CD46: variants seen among roughly 807,000 people sequenced by gnomAD.
CD46 encodes CD46 molecule, also known as membrane cofactor protein.
Under a neutral mutation model 53.3 loss-of-function variants are expected in CD46, and 30 were observed. The observed-to-expected ratio is 0.56, with a 90% CI of 0.42 to 0.76. The LOEUF is 0.76. Ranked by LOEUF, CD46 falls within the 30% of genes least tolerant of loss-of-function variation. The probability of loss-of-function intolerance (pLI) is 0.00; values close to 1 mark genes in which losing one functional copy is unlikely to be tolerated. For missense variants in CD46, 409 were observed against 463.0 expected, an observed-to-expected ratio of 0.88 and a Z score of 1.07; for synonymous variants, 142 against 152.0, an observed-to-expected ratio of 0.93 and a Z score of 0.48.
At chr1:207,757,765 A>G in intron 3 of CD46, 123 bp downstream of exon 3, 1 of 704,898 alleles carries the variant, frequency 1.4e-6, no homozygotes, top group Non-Finnish European at 2.5e-6. Context: ...ACTTCTAGCC[A>G]AACAACTCTT....
intron 1 of CD46, among the ~76,000 whole-genome samples, chr1:207,754,836 A>G (rs1483850054): frequency 6.9e-6 from 1 of 144,084 alleles, no homozygotes; most frequent in African/African-American, 2.6e-5. Flanking sequence ...AGTAGTGGTG[A>G]TAAGAAGAAA....
chr1:207,756,377 G>A (rs1655542031), intron 1 of CD46, among the ~76,000 whole-genome samples: 1 of 152,162 alleles, frequency 6.6e-6, no homozygotes, highest in Admixed American at 6.6e-5. Context: ...TCCTTTTAGG[G>A]CAACTTGAGC....
chr1:207,792,713 A>G (rs1172887895), intron 12 of CD46, among the ~76,000 whole-genome samples: 1 of 152,208 alleles, frequency 6.6e-6, no homozygotes, highest in Non-Finnish European at 1.5e-5. Context: ...TCAATTTACT[A>G]AGGCAGGGAG....
At chr1:207,760,468 T>C (rs1656054080) in intron 4 of CD46, 1 of 152,238 alleles carries the variant, frequency 6.6e-6, no homozygotes, top group Non-Finnish European at 1.5e-5. Context: ...AAAATGGATA[T>C]ATTTATAAAT....
chr1:207,783,912 T>C (rs1373977602), intron 9 of CD46, among the ~76,000 whole-genome samples: 1 of 152,166 alleles, frequency 6.6e-6, no homozygotes, highest in South Asian at 2.1e-4. Flanking sequence ...AAGAGCAGAG[T>C]TGAACATAGC....
chr1:207,756,363 C>T (rs111926454), intron 1 of CD46, among the ~76,000 whole-genome samples: 14 of 152,190 alleles, frequency 9.2e-5, no homozygotes, highest in Admixed American at 3.3e-4. Context: ...CACGTTATTA[C>T]CTGTCCTTTT....
intron 8 of CD46, among the ~76,000 whole-genome samples, chr1:207,781,840 T>C (rs1473264097): frequency 6.6e-6 from 1 of 152,212 alleles, no homozygotes; most frequent in African/African-American, 2.4e-5. Flanking sequence ...AATCAGAAAG[T>C]GTGAGCCTTC....
At chr1:207,768,148 C>T (rs979407777) in intron 7 of CD46, 5 of 287,190 alleles carry the variant, frequency 1.7e-5, no homozygotes, top group Non-Finnish European at 2.7e-5. Flanking sequence ...ATTTAAAGCA[C>T]TTAGCACAGT....
intron 7 of CD46, 54 bp from the exon 8 acceptor site, chr1:207,770,267 A>C (rs1657344895): frequency 1.1e-5 from 14 of 1,271,614 alleles, no homozygotes; most frequent in Non-Finnish European, 1.6e-5. Context: ...TAAAGTCATA[A>C]TTTTATATTG....
At chr1:207,770,265 T>C in intron 7 of CD46, 56 bp from the exon 8 acceptor site, 1 of 1,238,016 alleles carries the variant, frequency 8.1e-7, no homozygotes, top group Non-Finnish European at 1.2e-6. Context: ...ATTAAAGTCA[T>C]AATTTTATAT....
chr1:207,785,670 G>A lies in CD46; in HGVS notation c.1070G>A (p.Arg357Lys), dbSNP rs1659201891. 3 of 1,607,122 alleles carry A rather than the reference G, an allele frequency of 1.9e-6. No homozygotes were observed. The East Asian group carries it at 6.7e-5, about 36-fold the overall frequency. ...GTCCCGTACAGATATCTTCAAAGGA[G>A]GAAGAAGAAAGGGTAAATTAAAGCA... The part of the protein sequence containing the change: ...CVVPYRYLQR[R>K]KKKGTYLTDE... The change falls in exon 11 of 13, where the codon AGG becomes AAG. Residue 357 changes from arginine to lysine, a missense_variant. Arg to Lys is a conservative substitution (Grantham distance 26, BLOSUM62 2). Transcript: ENST00000367042.
chr1:207,782,457 T>C (rs759924489), intron 8 of CD46, among the ~76,000 whole-genome samples: 11 of 152,118 alleles, frequency 7.2e-5, no homozygotes, highest in Non-Finnish European at 1.5e-4. Context: ...TTCAGTCCTA[T>C]GTCAGATAGA....
chr1:207,765,987 A>C (rs1168620665), intron 5 of CD46, among the ~76,000 whole-genome samples: 1 of 152,216 alleles, frequency 6.6e-6, no homozygotes, highest in Admixed American at 6.5e-5. Context: ...GAATGAACTG[A>C]TTCATGCAGC....
chr1:207,767,816 T>G lies in CD46; in HGVS notation c.894T>G (p.Ser298Arg). 1 of 1,609,474 alleles carries G rather than the reference T, an allele frequency of 6.2e-7. No individual in the cohort carries two copies. The highest frequency in any genetic ancestry group is 8.5e-7 in the Non-Finnish European group (1 of 1,175,920). The change falls in exon 7 of 13, where the codon AGT becomes AGG. Residue 298 changes from serine to arginine, a missense_variant. Coordinates refer to ENST00000367042, the MANE Select transcript of CD46 (RefSeq NM_172351.3). ...CCACTACAAAATCTCCAGCGTCCAG[T>G]GCCTCAGGTTTAGTAATTTCCTGCT... ...TSSTTKSPAS[S>R]ASGPRPTYKP...
chr1:207,773,313 C>T (rs553803105), intron 8 of CD46, among the ~76,000 whole-genome samples: 40 of 152,130 alleles, frequency 2.6e-4, no homozygotes, highest in Non-Finnish European at 4.6e-4. Context: ...GTCTTGCTAG[C>T]GGTCATTTTT....
rs117645480 is a variant in CD46, at chr1:207,754,213, G to A, written c.97+1904G>A. On this transcript the variant is annotated intron_variant, in intron 1 of 12. Coordinates refer to ENST00000367042, the MANE Select transcript of CD46 (RefSeq NM_172351.3). ...TGACAGCATTTAACAAATGATTGGA[G>A]AGAGGGAAGGCTTCTCTGCTCATCA... Among the ~76,000 whole-genome samples the A allele has an allele frequency of 2.1e-3, 325 of 152,276 alleles. 12 individuals carry two copies. The East Asian group carries it at 0.053, about 25-fold the overall frequency.
chr1:207,767,218 G>A, intron 6 of CD46, 23 bp downstream of exon 6: 1 of 1,593,862 alleles, frequency 6.3e-7, no homozygotes, highest in South Asian at 1.1e-5. Flanking sequence ...TCTTTTTTCT[G>A]TCTTGGTTTG....
rs1257055954 is a variant in CD46 at position 207,752,375 on chromosome 1, T to A, written c.97+66T>A. 2 of 1,473,720 alleles carry A rather than the reference T, an allele frequency of 1.4e-6. No homozygotes were observed. Among genetic ancestry groups the A allele is most frequent in the East Asian group, 2.3e-5 (1 of 44,232 alleles). 91.3% of individuals were successfully genotyped at this position (1,473,720 alleles called of 1,614,324 possible). On this transcript the variant is annotated intron_variant, in intron 1 of 12. Coordinates refer to ENST00000367042, the MANE Select transcript of CD46 (RefSeq NM_172351.3). This position sits in a 1 kb window ranked among gnomAD's most constrained non-coding sequence, Gnocchi z 4.1. ...AGAGCTCTCCTCAGTCGGGCAAGAG[T>A]CGCGGGGCGGGGCTCACAGCAGGCC...
At chr1:207,767,671 A>T (rs200320376) in intron 6 of CD46, 108 bp from the exon 7 acceptor site, 5 of 1,608,528 alleles carry the variant, frequency 3.1e-6, no homozygotes. Context: ...CTTCTTCCTT[A>T]TATGTCTTCT....
Sources: gnomAD v4.1 joint callset for allele counts (sites outside exome capture counted in the v4.1 genomes callset) on GRCh38, gnomAD v4.1.1 for gene constraint, Gnocchi (gnomAD v3.1) non-coding constraint, MANE v1.5 for transcripts, NCBI Gene and HGNC (gene_info 2026-07-23, HGNC 2026-07-21) for gene names.